ODR4: variants seen among roughly 807,000 people sequenced by gnomAD.
ODR4 encodes protein odr-4 homolog.
In ODR4, 47 loss-of-function variants were observed where a neutral mutation model predicts 60.2. The ratio of observed to expected loss-of-function variants is 0.78; its 90% CI spans 0.62 to 1.00. ODR4 has a LOEUF of 1.00. Ranked by LOEUF, ODR4 falls within the 50% of genes least tolerant of loss-of-function variation. The probability of loss-of-function intolerance (pLI) is 0.00; values close to 1 mark genes in which losing one functional copy is unlikely to be tolerated. For missense variants in ODR4, 488 were observed against 530.8 expected (o/e 0.92, Z 0.79); for synonymous variants, 178 against 175.5 (o/e 1.01, Z -0.11).
downstream of ODR4, among the ~76,000 whole-genome samples, chr1:186,423,258 A>G (rs539025768): frequency 1.3e-5 from 2 of 152,226 alleles, no homozygotes; most frequent in Admixed American, 1.3e-4. Context: ...AGGTTGATAT[A>G]ACTTACTGAT....
At chr1:186,393,842 CTT>C (rs1457754303) in intron 8 of ODR4, 103 bp from the exon 9 acceptor site, 1 of 645,372 alleles carries the variant, frequency 1.5e-6, no homozygotes, top group Non-Finnish European at 2.7e-6. Flanking sequence ...AATTAAAAGA[CTT>C]GTTTTTTTCT....
intron 11 of ODR4, chr1:186,399,247 C>T: frequency 3.6e-6 from 2 of 562,602 alleles, no homozygotes. Context: ...CTGTGTTGCC[C>T]AGGCTGGGGT....
chr1:186,427,890 G>T, the ODR4 span, among the ~76,000 whole-genome samples: 1 of 152,190 alleles, frequency 6.6e-6, no homozygotes, highest in African/African-American at 2.4e-5. Context: ...TATTTTGAAA[G>T]GAATCGTTTT....
intron 1 of ODR4, among the ~76,000 whole-genome samples, chr1:186,377,370 A>G (rs1379517312): frequency 6.6e-6 from 1 of 152,212 alleles, no homozygotes; most frequent in Non-Finnish European, 1.5e-5. Context: ...AAAAATTTTG[A>G]AAGAGCACTA....
At chr1:186,413,965 G>A (rs759582892) in intron 12 of ODR4, among the ~76,000 whole-genome samples, 1 of 151,998 alleles carries the variant, frequency 6.6e-6, no homozygotes, top group Non-Finnish European at 1.5e-5. Context: ...ATCAGTTTTC[G>A]ATTTGTCTGA....
downstream of ODR4, among the ~76,000 whole-genome samples, chr1:186,424,844 G>GT (rs1343439696): frequency 1.3e-5 from 2 of 151,844 alleles, no homozygotes; most frequent in Non-Finnish European, 2.9e-5. Context: ...AGCATCCCAA[G>GT]TATAAGCATT....
chr1:186,394,056 A>C (rs1660575437), intron 9 of ODR4, 41 bp downstream of exon 9: 1 of 1,065,904 alleles, frequency 9.4e-7, no homozygotes, highest in Non-Finnish European at 1.4e-6. Context: ...TTATTAGCAT[A>C]ACCATAATGA....
Position 186,398,441 on chromosome 1 carries a change from G to T in ODR4, c.909G>T (p.Gln303His), listed in dbSNP as rs750589667. 1.3e-6 allele frequency: 2 copies of T among 1,595,040 alleles called. No homozygotes were observed. Among genetic ancestry groups the T allele is most frequent in the Admixed American group, 1.8e-5 (1 of 57,054 alleles). The change falls in exon 10 of 14, where the codon CAG becomes CAT. Residue 303 changes from glutamine (Q) to histidine (H), a missense_variant and splice_region_variant. Coordinates refer to ENST00000287859, the MANE Select transcript of ODR4 (RefSeq NM_017847.6). Reference sequence around the variant, plus strand: ...AACCCAAAGTTAAAGATGCTGTGCAGGTACAAAAAGGAATAACGAGCATAT... The same window carrying T: ...AACCCAAAGTTAAAGATGCTGTGCATGTACAAAAAGGAATAACGAGCATAT... ...SSKPKVKDAV[Q>H]AVKRDILNTV...
At chr1:186,418,331 C>T (rs1267444100) in intron 13 of ODR4, among the ~76,000 whole-genome samples, 7 of 147,986 alleles carry the variant, frequency 4.7e-5, no homozygotes, top group Admixed American at 1.4e-4. Context: ...CGCTCTGTCG[C>T]CCAGGCTGGA....
chr1:186,425,644 A>C (rs1477932931), downstream of ODR4, among the ~76,000 whole-genome samples: 1 of 152,218 alleles, frequency 6.6e-6, no homozygotes, highest in East Asian at 1.9e-4. Flanking sequence ...TATCGAGCAA[A>C]GTAATCTACA....
intron 8 of ODR4, 59 bp downstream of exon 8, chr1:186,391,850 G>A (rs1660481314): frequency 6.6e-6 from 7 of 1,058,372 alleles, no homozygotes; most frequent in South Asian, 2.8e-5. Flanking sequence ...AATAAAACAT[G>A]ACTTATTTTT....
downstream of ODR4, among the ~76,000 whole-genome samples, chr1:186,425,387 A>G (rs146888391): frequency 1.4e-4 from 22 of 152,312 alleles, 1 homozygote; most frequent in East Asian, 9.6e-4. Flanking sequence ...CTGAACTCCA[A>G]TTGGGCACGT....
intron 6 of ODR4, among the ~76,000 whole-genome samples, chr1:186,390,059 G>A (rs74842753): frequency 0.14 from 21,336 of 151,998 alleles, 1,598 homozygotes; most frequent in Non-Finnish European, 0.16. Context: ...GCCTGTCTTC[G>A]CCTCCCAAAG....
chr1:186,383,660 C>T (rs1483634633), intron 3 of ODR4, among the ~76,000 whole-genome samples: 6 of 132,558 alleles, frequency 4.5e-5, no homozygotes, highest in Non-Finnish European at 1.0e-4. Flanking sequence ...TAAACTCAAA[C>T]GTGTTTCTGT....
At chr1:186,433,198 C>T in the ODR4 span, among the ~76,000 whole-genome samples, 1 of 151,946 alleles carries the variant, frequency 6.6e-6, no homozygotes, top group African/African-American at 2.4e-5. Flanking sequence ...TGTGGGTTTG[C>T]TTTATTTTCT....
chr1:186,410,655 A>C (rs141155244), intron 12 of ODR4, among the ~76,000 whole-genome samples: 22 of 152,338 alleles, frequency 1.4e-4, no homozygotes, highest in Admixed American at 1.2e-3. Flanking sequence ...ATCAGAAAAA[A>C]GTCTCTATTA....
intron 11 of ODR4, among the ~76,000 whole-genome samples, chr1:186,402,339 C>G (rs1384273341): frequency 6.8e-6 from 1 of 148,062 alleles, no homozygotes; most frequent in Non-Finnish European, 1.5e-5. Flanking sequence ...CCTCTACTTC[C>G]TCTCCTTTCC....
chr1:186,425,956 G>A (rs1661874005), downstream of ODR4, among the ~76,000 whole-genome samples: 1 of 152,150 alleles, frequency 6.6e-6, no homozygotes, highest in African/African-American at 2.4e-5. Context: ...ATGATAGGCA[G>A]CTAGAAGTAG....
At chr1:186,408,781 G>T (rs1661267005) in intron 12 of ODR4, among the ~76,000 whole-genome samples, 1 of 151,190 alleles carries the variant, frequency 6.6e-6, no homozygotes, top group Non-Finnish European at 1.5e-5. Flanking sequence ...AATGACTAAG[G>T]GTAGCACTGT....
Sources: allele counts gnomAD v4.1 joint callset (sites outside exome capture counted in the v4.1 genomes callset), GRCh38; gene constraint gnomAD v4.1.1; transcripts MANE v1.5; gene names NCBI Gene and HGNC (gene_info 2026-07-23, HGNC 2026-07-21).